Variants in SORCS3 observed in about 807,000 individuals in gnomAD.
SORCS3 encodes the protein sortilin related VPS10 domain containing receptor 3, also known as VPS10 domain-containing receptor SorCS3.
A neutral mutation model predicts 146.3 loss-of-function variants in SORCS3; 57 were observed. The observed-to-expected ratio is 0.39, with a 90% CI of 0.31 to 0.49. SORCS3 has a LOEUF of 0.49. Ranked by LOEUF, SORCS3 falls within the 20% of genes least tolerant of loss-of-function variation. The pLI, the probability that SORCS3 is intolerant of heterozygous loss-of-function variation, is 0.92. For missense variants in SORCS3, 1,341 were observed against 1,575.5 expected (o/e 0.85, Z 2.52); for synonymous variants, 653 against 618.5 (o/e 1.06, Z -0.83).
At chr10:104,991,055 C>T (rs1010467031) in intron 4 of SORCS3, among the ~76,000 whole-genome samples, 1 of 152,172 alleles carries the variant, frequency 6.6e-6, no homozygotes, top group African/African-American at 2.4e-5. Flanking sequence ...CTGCTTGTCT[C>T]CACCAGCTTC....
chr10:105,255,425 A>C (rs1414011445), intron 23 of SORCS3, among the ~76,000 whole-genome samples: 1 of 152,134 alleles, frequency 6.6e-6, no homozygotes, highest in Non-Finnish European at 1.5e-5. Context: ...ATACATGTGT[A>C]ACTAACCTGT....
intron 5 of SORCS3, among the ~76,000 whole-genome samples, chr10:105,050,301 G>A: frequency 6.6e-6 from 1 of 152,062 alleles, no homozygotes. Flanking sequence ...ATGGAATATG[G>A]CAGAGGTAAC....
At chr10:104,993,801 A>G (rs2055008424) in intron 4 of SORCS3, among the ~76,000 whole-genome samples, 1 of 152,176 alleles carries the variant, frequency 6.6e-6, no homozygotes, top group Non-Finnish European at 1.5e-5. Context: ...ATAATCAGGG[A>G]AAAAGCTCAT....
chr10:104,737,623 G>T (rs1049651336), intron 1 of SORCS3, among the ~76,000 whole-genome samples: 2 of 152,164 alleles, frequency 1.3e-5, no homozygotes, highest in Admixed American at 1.3e-4. Context: ...TTTTGATGGG[G>T]TTGTTTGCTT....
intron 5 of SORCS3, among the ~76,000 whole-genome samples, chr10:105,064,547 A>G (rs1198618779): frequency 1.3e-5 from 2 of 152,184 alleles, no homozygotes; most frequent in Non-Finnish European, 2.9e-5. Flanking sequence ...GAATCAGTGA[A>G]GCTGAGGGTA....
At chr10:105,142,660 C>T (rs904472122) in intron 8 of SORCS3, among the ~76,000 whole-genome samples, 15 of 152,162 alleles carry the variant, frequency 9.9e-5, no homozygotes, top group Middle Eastern at 6.3e-3. Context: ...ATTGCTCGAT[C>T]ATGCCACCTG....
intron 4 of SORCS3, among the ~76,000 whole-genome samples, chr10:105,037,411 G>C (rs1003951877): frequency 6.6e-6 from 1 of 152,132 alleles, no homozygotes; most frequent in African/African-American, 2.4e-5. Flanking sequence ...ATCTCACATA[G>C]AATTCCAAAA....
chr10:104,733,605 G>C (rs551518800), intron 1 of SORCS3, among the ~76,000 whole-genome samples: 1 of 150,400 alleles, frequency 6.6e-6, no homozygotes, highest in South Asian at 2.1e-4. Flanking sequence ...GCCAAGCACT[G>C]AGTTAGGTTT....
intron 1 of SORCS3, among the ~76,000 whole-genome samples, chr10:104,741,661 C>T (rs537222657): frequency 2.1e-5 from 1 of 47,358 alleles, no homozygotes; most frequent in African/African-American, 7.1e-5. Context: ...TTTCTGTCTT[C>T]AAGTTTATTG....
Position 104,842,809 on chromosome 10 carries a change from G to C in SORCS3, c.645G>C (p.Thr215=). ...CCTTGCAGGTCATACTTATCCTGACGAAGCTGTATGACTTCAACCTGGGCA... is the reference window on the plus strand; with the variant it reads ...CCTTGCAGGTCATACTTATCCTGACCAAGCTGTATGACTTCAACCTGGGCA... The part of the protein sequence containing the change: ...GHNSSVILIL[T]KLYDFNLGSV... The change falls in exon 2 of 27, where the codon ACG becomes ACC. Residue 215 remains threonine, a synonymous_variant. Coordinates refer to ENST00000369701, the MANE Select transcript of SORCS3 (RefSeq NM_014978.3). The C allele has an allele frequency of 1.9e-6, 3 of 1,613,788 alleles. No homozygotes were observed. The highest frequency in any genetic ancestry group is 2.5e-6 in the Non-Finnish European group (3 of 1,179,836).
chr10:105,105,348 C>A, intron 6 of SORCS3, 49 bp from the exon 7 acceptor site: 1 of 1,270,630 alleles, frequency 7.9e-7, no homozygotes, highest in Non-Finnish European at 1.1e-6. Flanking sequence ...CTGGGGCTCC[C>A]TCATGATTTT....
intron 5 of SORCS3, among the ~76,000 whole-genome samples, chr10:105,088,815 T>A (rs1037411485): frequency 1.3e-5 from 2 of 152,232 alleles, no homozygotes; most frequent in African/African-American, 4.8e-5. Flanking sequence ...AGCTCTTGGG[T>A]CTCACCATTT....
At chr10:105,231,259 T>A (rs1276079940) in intron 20 of SORCS3, among the ~76,000 whole-genome samples, 4 of 152,236 alleles carry the variant, frequency 2.6e-5, no homozygotes, top group Admixed American at 2.6e-4. Flanking sequence ...ATGAGCTGCC[T>A]TTGGTCAGCC....
chr10:105,155,340 G>A (rs2056199613), intron 9 of SORCS3, among the ~76,000 whole-genome samples: 2 of 152,216 alleles, frequency 1.3e-5, no homozygotes, highest in African/African-American at 2.4e-5. Context: ...CTGAACCGGG[G>A]TCAAGGTGTC....
chr10:105,148,025 G>A (rs956734910), intron 9 of SORCS3, among the ~76,000 whole-genome samples: 3 of 152,086 alleles, frequency 2.0e-5, no homozygotes, highest in Non-Finnish European at 4.4e-5. Flanking sequence ...ACTGCATCTA[G>A]TGTAGTGGCT....
intron 13 of SORCS3, among the ~76,000 whole-genome samples, chr10:105,174,821 A>G (rs754708642): frequency 2.0e-5 from 3 of 151,896 alleles, no homozygotes; most frequent in South Asian, 2.1e-4. Flanking sequence ...ATCATCTACA[A>G]TTTCTCTCCC....
intron 16 of SORCS3, among the ~76,000 whole-genome samples, chr10:105,206,967 A>C (rs567419042): frequency 6.6e-6 from 1 of 152,104 alleles, no homozygotes; most frequent in Non-Finnish European, 1.5e-5. Context: ...TGATATGGCT[A>C]TGAGTGGTCT....
chr10:105,019,113 AT>A (rs1232858428), intron 4 of SORCS3, among the ~76,000 whole-genome samples: 1 of 152,122 alleles, frequency 6.6e-6, no homozygotes, highest in African/African-American at 2.4e-5. Context: ...AATTCTTCAG[AT>A]GTCCCTCTTT....
chr10:104,997,072 C>T (rs973757326), intron 4 of SORCS3, among the ~76,000 whole-genome samples: 11 of 152,022 alleles, frequency 7.2e-5, no homozygotes, highest in African/African-American at 2.7e-4. Context: ...AGAAAGGGGG[C>T]TATAGCTAAG....
Sources: allele counts gnomAD v4.1 joint callset (sites outside exome capture counted in the v4.1 genomes callset), GRCh38; gene constraint gnomAD v4.1.1; transcripts MANE v1.5; gene names NCBI Gene and HGNC (gene_info 2026-07-23, HGNC 2026-07-21).